The following CHMP3 variants were observed in gnomAD, a reference collection of about 807,000 sequenced individuals.
CHMP3 encodes 25.1 protein.
CHMP3 carries 8 observed loss-of-function variants against 27.4 expected under a neutral mutation model. That is an observed-to-expected ratio of 0.29 (90% CI 0.17 to 0.53). The LOEUF (loss-of-function observed/expected upper bound fraction) is 0.53. Among genes scored for constraint, CHMP3 ranks in the 20% least tolerant of loss-of-function variants. The probability of loss-of-function intolerance (pLI) is 0.96; values close to 1 mark genes in which losing one functional copy is unlikely to be tolerated. For missense variants in CHMP3, 208 were observed against 271.5 expected, an observed-to-expected ratio of 0.77 and a Z score of 1.64; for synonymous variants, 86 against 85.5, an observed-to-expected ratio of 1.01 and a Z score of -0.03.
intron 3 of CHMP3, among the ~76,000 whole-genome samples, chr2:86,517,892 G>A (rs1215838509): frequency 6.6e-6 from 1 of 151,992 alleles, no homozygotes; most frequent in African/African-American, 2.4e-5. Context: ...GAGGTGGCTC[G>A]TGCTTGTAGT....
intron 2 of CHMP3, among the ~76,000 whole-genome samples, chr2:86,538,739 A>G (rs1676243642): frequency 6.6e-6 from 1 of 152,214 alleles, no homozygotes; most frequent in Non-Finnish European, 1.5e-5. Context: ...ATGAGTGTTC[A>G]AAATGTGTTA....
At chr2:86,531,889 TG>T (rs1181217729) in intron 2 of CHMP3, among the ~76,000 whole-genome samples, 1 of 152,224 alleles carries the variant, frequency 6.6e-6, no homozygotes, top group African/African-American at 2.4e-5. Flanking sequence ...AACCAGGAAG[TG>T]AGTTGTTAAA....
chr2:86,560,302 G>C (rs928677792), intron 1 of CHMP3, among the ~76,000 whole-genome samples: 2 of 151,978 alleles, frequency 1.3e-5, no homozygotes, highest in African/African-American at 4.8e-5. Context: ...CAATAGCAAA[G>C]ACTTGGAACC....
intron 2 of CHMP3, among the ~76,000 whole-genome samples, chr2:86,541,781 G>A (rs998589165): frequency 6.6e-6 from 1 of 152,026 alleles, no homozygotes; most frequent in African/African-American, 2.4e-5. Context: ...GTGATACTGG[G>A]ATACCTTTAT....
At position 86,529,212 on chromosome 2, in the gene CHMP3, C is replaced by T. The variant is rs866170467; in HGVS notation, c.286+6G>A. The T allele has an allele frequency of 6.2e-7, 1 of 1,600,888 alleles. No homozygotes were observed. Among genetic ancestry groups the T allele is most frequent in the Middle Eastern group, 1.7e-4 (1 of 6,002 alleles). On this transcript the variant is annotated splice_donor_region_variant and intron_variant, in intron 3 of 5. Transcript: ENST00000263856. ...TGAGGTGACTGTAAGGTAAGTGCAGCCTTACCGAGCTGGTTCTTCATCCCC... is the reference window on the plus strand; with the variant it reads ...TGAGGTGACTGTAAGGTAAGTGCAGTCTTACCGAGCTGGTTCTTCATCCCC...
Position 86,536,431 on chromosome 2 carries a change from T to G in CHMP3, c.106+5821A>C, listed in dbSNP as rs181530602. Among the ~76,000 whole-genome samples, 368 of 152,274 alleles carry G rather than the reference T, an allele frequency of 2.4e-3. 1 individual carries two copies. Among genetic ancestry groups the G allele is most frequent in the African/African-American group, 8.4e-3 (349 of 41,498 alleles). ...TTTATTACCTCTTGCAAGTCAGGTC[T>G]AGCTGTAATAAACTCCCATGGCTTT... On this transcript the variant is annotated intron_variant, in intron 2 of 5. Transcript: ENST00000263856.
At chr2:86,548,639 C>T (rs1222625989) in intron 1 of CHMP3, among the ~76,000 whole-genome samples, 3 of 152,122 alleles carry the variant, frequency 2.0e-5, no homozygotes, top group Non-Finnish European at 4.4e-5. Flanking sequence ...CCCCACATTT[C>T]CCCCTTTTCT....
rs558423308 is a variant in CHMP3 at position 86,548,582 on chromosome 2, CCTT to C, written c.46-6273_46-6271del. Among the ~76,000 whole-genome samples the C allele has an allele frequency of 1.1e-4, 16 of 152,298 alleles. No homozygotes were observed. In the East Asian group the frequency reaches 2.9e-3, roughly 28 times the overall value. ...GAACAAAATGGTGTCTCCTATGTCT[CCTT>C]CTTTCTACACAGACACAGTAACCAT... On this transcript the variant is annotated intron_variant, in intron 1 of 5. Coordinates refer to ENST00000263856, the MANE Select transcript of CHMP3 (RefSeq NM_016079.4).
intron 2 of CHMP3, 144 bp from the exon 3 acceptor site, chr2:86,529,541 ATTC>A: frequency 1.2e-6 from 1 of 804,816 alleles, no homozygotes; most frequent in Non-Finnish European, 1.7e-6. Flanking sequence ...CGTAGTGAAT[ATTC>A]ATCATTTCCA....
intron 3 of CHMP3, among the ~76,000 whole-genome samples, chr2:86,514,725 C>A (rs1215872680): frequency 2.6e-5 from 4 of 152,134 alleles, no homozygotes; most frequent in African/African-American, 9.7e-5. Context: ...TCCCAGAAAG[C>A]ATGTGTTAGA....
At chr2:86,531,638 C>T (rs8179729) in intron 2 of CHMP3, among the ~76,000 whole-genome samples, 92,134 of 151,938 alleles carry the variant, frequency 0.61, 28,213 homozygotes, top group East Asian at 0.75. Context: ...GGGTTAGTTT[C>T]TGTATACATT....
chr2:86,507,700 C>G, intron 4 of CHMP3, 107 bp from the exon 5 acceptor site: 2 of 869,900 alleles, frequency 2.3e-6, no homozygotes, highest in East Asian at 2.5e-5. Flanking sequence ...TCTATCCTTT[C>G]AAGAGCTGAC....
chr2:86,506,435 TC>T (rs1045648336), intron 5 of CHMP3, among the ~76,000 whole-genome samples: 50 of 152,274 alleles, frequency 3.3e-4, no homozygotes, highest in African/African-American at 1.2e-3. Flanking sequence ...TTTTATCATC[TC>T]CCTTCCAGAC....
intron 3 of CHMP3, chr2:86,527,083 T>C (rs1183789757): frequency 1.3e-5 from 2 of 151,870 alleles, no homozygotes; most frequent in East Asian, 1.9e-4. Flanking sequence ...ATATATAATA[T>C]AGAAGCAGGC....
At chr2:86,533,452 G>A (rs1473610136) in intron 2 of CHMP3, among the ~76,000 whole-genome samples, 1 of 151,004 alleles carries the variant, frequency 6.6e-6, no homozygotes, top group Non-Finnish European at 1.5e-5. Context: ...CTAGATTTGG[G>A]TTGACTTTGT....
chr2:86,557,698 C>A (rs769433573), intron 1 of CHMP3, among the ~76,000 whole-genome samples: 2 of 152,190 alleles, frequency 1.3e-5, no homozygotes, highest in Admixed American at 6.5e-5. Context: ...CTTTCCTGAT[C>A]CTATATCTAC....
chr2:86,508,482 G>C (rs573524934), intron 4 of CHMP3, among the ~76,000 whole-genome samples: 181 of 152,312 alleles, frequency 1.2e-3, no homozygotes, highest in African/African-American at 4.2e-3. Context: ...ACAGGTACTG[G>C]GGGTGCTGAG....
intron 2 of CHMP3, among the ~76,000 whole-genome samples, chr2:86,538,896 A>C (rs555668298): frequency 6.6e-6 from 1 of 152,306 alleles, no homozygotes; most frequent in African/African-American, 2.4e-5. Flanking sequence ...AGTAAACATA[A>C]CTGTACAGCT....
At chr2:86,539,235 T>C (rs1054462392) in intron 2 of CHMP3, among the ~76,000 whole-genome samples, 5 of 152,196 alleles carry the variant, frequency 3.3e-5, no homozygotes, top group Non-Finnish European at 7.4e-5. Flanking sequence ...AGTCACACTT[T>C]ATCAAAGTGC....
Sources: gnomAD v4.1 joint callset for allele counts (sites outside exome capture counted in the v4.1 genomes callset) on GRCh38, gnomAD v4.1.1 for gene constraint, MANE v1.5 for transcripts, NCBI Gene and HGNC (gene_info 2026-07-23, HGNC 2026-07-21) for gene names.